Variants in SCOC observed in about 807,000 individuals in gnomAD.
SCOC encodes the protein short coiled-coil protein.
In SCOC, 7 loss-of-function variants were observed where a neutral mutation model predicts 9.9. That is an observed-to-expected ratio of 0.71 (90% CI 0.40 to 1.33). The LOEUF (loss-of-function observed/expected upper bound fraction) is 1.33. Ranked by LOEUF, SCOC falls within the 40% of genes most tolerant of loss-of-function variation. The pLI, the probability that SCOC is intolerant of heterozygous loss-of-function variation, is 0.01. For missense variants in SCOC, 66 were observed against 89.7 expected (o/e 0.74, Z 1.07); for synonymous variants, 19 against 28.2 (o/e 0.67, Z 1.03).
At chr4:140,343,995 GA>G (rs1440715996) in intron 2 of SCOC, among the ~76,000 whole-genome samples, 1 of 152,052 alleles carries the variant, frequency 6.6e-6, no homozygotes, top group Non-Finnish European at 1.5e-5. Context: ...AAGTTGCTAC[GA>G]AAACAACCTA....
chr4:140,266,418 T>C (rs1730729371), intron 1 of SCOC, among the ~76,000 whole-genome samples: 2 of 152,156 alleles, frequency 1.3e-5, no homozygotes, highest in Non-Finnish European at 2.9e-5. Context: ...CTTTTCTGTG[T>C]TGGTAACTAA....
intron 1 of SCOC, among the ~76,000 whole-genome samples, chr4:140,272,241 G>A (rs555469508): frequency 2.5e-4 from 36 of 143,562 alleles, no homozygotes; most frequent in Non-Finnish European, 4.5e-4. Flanking sequence ...TTTTTTTATA[G>A]ACCAGGTCTT....
chr4:140,337,615 G>T (rs1193925112), intron 1 of SCOC, among the ~76,000 whole-genome samples: 4 of 151,814 alleles, frequency 2.6e-5, no homozygotes, highest in Non-Finnish European at 4.4e-5. Flanking sequence ...ATGATAAAGG[G>T]GATATCACCA....
chr4:140,335,283 TGTGGG>T (rs1732926904), intron 1 of SCOC, among the ~76,000 whole-genome samples: 3 of 152,340 alleles, frequency 2.0e-5, no homozygotes, highest in African/African-American at 7.2e-5. Flanking sequence ...ACTTCCTGGC[TGTGGG>T]TCATGAGCAA....
At chr4:140,272,526 G>A (rs1051913058) in intron 1 of SCOC, among the ~76,000 whole-genome samples, 1 of 152,180 alleles carries the variant, frequency 6.6e-6, no homozygotes, top group Non-Finnish European at 1.5e-5. Context: ...TAATAACAGA[G>A]CAGCCAGCAT....
At chr4:140,310,361 T>G (rs947231362) in intron 1 of SCOC, among the ~76,000 whole-genome samples, 2 of 152,210 alleles carry the variant, frequency 1.3e-5, no homozygotes, top group Non-Finnish European at 1.5e-5. Flanking sequence ...TGGATAGCAC[T>G]CTTCTTAGGA....
chr4:140,291,681 T>C (rs1731476877), intron 1 of SCOC, among the ~76,000 whole-genome samples: 1 of 152,220 alleles, frequency 6.6e-6, no homozygotes, highest in African/African-American at 2.4e-5. Context: ...CATCAGGCAC[T>C]GCAGCTTTGA....
chr4:140,296,755 A>G lies in SCOC; in HGVS notation c.-19+39345A>G, dbSNP rs1273262307. 3.9e-5 allele frequency among the ~76,000 whole-genome samples: 6 copies of G among 152,196 alleles called. No homozygotes were observed. The East Asian group carries it at 9.7e-4, about 25-fold the overall frequency. ...TGATTGTCTGAAGAGAGGCTACTCA[A>G]TATCACAAGGTCACGACAAGAAAAA... On this transcript the variant is annotated intron_variant, in intron 1 of 4. Coordinates refer to the SCOC transcript ENST00000394205.
intron 1 of SCOC, among the ~76,000 whole-genome samples, chr4:140,277,366 G>T (rs533507173): frequency 3.5e-4 from 54 of 152,260 alleles, no homozygotes; most frequent in African/African-American, 1.2e-3. Flanking sequence ...TCTCTTTTGT[G>T]TAAAACCAGC....
rs928905943 is a variant in SCOC at position 140,367,008 on chromosome 4, C to G, written c.71-12113C>G. 7.4e-5 allele frequency: 29 copies of G among 391,806 alleles called. 1 individual carries two copies. The Admixed American group carries it at 7.5e-4, about 10-fold the overall frequency. The allele number at this position is 391,806 out of a possible 1,614,324, so 24.3% of individuals were successfully genotyped here. ...ATCGCTTGAGGTCAGGAGTTTGAGA[C>G]TAGCTTGACCAACATAGTGAAACCT... On this transcript the variant is annotated intron_variant, in intron 2 of 4. Transcript: ENST00000338517.
chr4:140,304,625 C>T (rs907507284), intron 1 of SCOC, among the ~76,000 whole-genome samples: 3 of 152,144 alleles, frequency 2.0e-5, no homozygotes, highest in African/African-American at 7.2e-5. Context: ...TACCAGTACC[C>T]AGCGAGAAAC....
At chr4:140,308,466 C>T (rs150473029) in intron 1 of SCOC, among the ~76,000 whole-genome samples, 12 of 152,248 alleles carry the variant, frequency 7.9e-5, no homozygotes, top group African/African-American at 2.6e-4. Context: ...AGGATGACCT[C>T]CGTGAATGCT....
chr4:140,281,292 A>G (rs994213175), intron 1 of SCOC, among the ~76,000 whole-genome samples: 4 of 151,612 alleles, frequency 2.6e-5, no homozygotes, highest in Non-Finnish European at 5.9e-5. Flanking sequence ...GAGGCCAGGA[A>G]TTTTACGCTA....
At chr4:140,362,273 C>CTGTTCTTCTTCTTCCTCTTCTT in intron 2 of SCOC, among the ~76,000 whole-genome samples, 2 of 29,094 alleles carry the variant, frequency 6.9e-5, no homozygotes, top group Non-Finnish European at 7.6e-5. Flanking sequence ...ACAGGTGTGT[C>CTGTTCTTCTTCTTCCTCTTCTT]CTTACTTCTT....
At chr4:140,345,263 T>C (rs1183418876) in intron 2 of SCOC, among the ~76,000 whole-genome samples, 2 of 152,086 alleles carry the variant, frequency 1.3e-5, no homozygotes, top group African/African-American at 4.8e-5. Flanking sequence ...TTGCTCCCAA[T>C]TGCCGCCTCC....
chr4:140,351,667 C>T (rs78185492), intron 2 of SCOC, among the ~76,000 whole-genome samples: 1 of 151,936 alleles, frequency 6.6e-6, no homozygotes, highest in African/African-American at 2.4e-5. Flanking sequence ...TCACGCCCTG[C>T]TGAAAGCAGC....
At chr4:140,348,567 T>C (rs1211240739) in intron 2 of SCOC, among the ~76,000 whole-genome samples, 12 of 52,432 alleles carry the variant, frequency 2.3e-4, no homozygotes, top group African/African-American at 6.4e-4. Context: ...TATATATATG[T>C]ATATATATAC....
intron 1 of SCOC, among the ~76,000 whole-genome samples, chr4:140,310,257 C>T (rs545745755): frequency 1.3e-5 from 2 of 152,238 alleles, no homozygotes; most frequent in East Asian, 1.9e-4. Flanking sequence ...GGAAGTGATA[C>T]AATATTAATT....
At chr4:140,287,776 C>A (rs184032671) in intron 1 of SCOC, among the ~76,000 whole-genome samples, 11 of 152,138 alleles carry the variant, frequency 7.2e-5, no homozygotes, top group African/African-American at 2.2e-4. Context: ...ATGCACTATA[C>A]GTACCATGCA....
Sources: allele counts gnomAD v4.1 joint callset (sites outside exome capture counted in the v4.1 genomes callset), GRCh38; gene constraint gnomAD v4.1.1; transcripts MANE v1.5; gene names NCBI Gene and HGNC (gene_info 2026-07-23, HGNC 2026-07-21).